Variants in ADCY2 observed in about 807,000 individuals in gnomAD.
The protein encoded by ADCY2 is adenylate cyclase 2.
In ADCY2, 31 loss-of-function variants were observed where a neutral mutation model predicts 125.2. The ratio of observed to expected loss-of-function variants is 0.25; its 90% CI spans 0.19 to 0.33. ADCY2 has a LOEUF of 0.33. Among genes scored for constraint, ADCY2 ranks in the 10% least tolerant of loss-of-function variants. The probability of loss-of-function intolerance (pLI) is 1.00; values close to 1 mark genes in which losing one functional copy is unlikely to be tolerated. For missense variants in ADCY2, 904 were observed against 1,418.2 expected, an observed-to-expected ratio of 0.64 and a Z score of 5.82; for synonymous variants, 512 against 548.4, an observed-to-expected ratio of 0.93 and a Z score of 0.93.
At chr5:7,822,568 G>C (rs1383340490) in intron 24 of ADCY2, among the ~76,000 whole-genome samples, 1 of 152,240 alleles carries the variant, frequency 6.6e-6, no homozygotes, top group African/African-American at 2.4e-5. Context: ...TTAATAGCTA[G>C]AAATTAGTGA....
chr5:7,724,567 A>G lies in ADCY2; in HGVS notation c.1726A>G (p.Ile576Val), dbSNP rs1331209772. The change falls in exon 13 of 25, where the codon ATT (isoleucine) becomes GTT (valine). Residue 576 changes from isoleucine to valine, a missense_variant. Ile to Val is a conservative substitution (Grantham distance 29). Transcript: ENST00000338316. ...CAGGCAATGGCTCAAGTCTGAAGACATTCAGAGAATCTCACTGCTTTTCTA... is the reference window on the plus strand; with the variant it reads ...CAGGCAATGGCTCAAGTCTGAAGACGTTCAGAGAATCTCACTGCTTTTCTA... ...AQKQWLKSED[I>V]QRISLLFYNK... The G allele has an allele frequency of 1.9e-6, 3 of 1,604,084 alleles. No individual in the cohort carries two copies. The highest frequency in any genetic ancestry group is 4.5e-5 in the East Asian group (2 of 44,650).
intron 1 of ADCY2, among the ~76,000 whole-genome samples, chr5:7,410,248 T>C (rs1739656824): frequency 6.6e-6 from 1 of 152,134 alleles, no homozygotes; most frequent in East Asian, 1.9e-4. Flanking sequence ...TTCACTAAAA[T>C]ATAATTTTTT....
chr5:7,547,456 T>C (rs1359994878), intron 3 of ADCY2, among the ~76,000 whole-genome samples: 2 of 152,188 alleles, frequency 1.3e-5, no homozygotes, highest in East Asian at 3.9e-4. Flanking sequence ...TCTCGCATCC[T>C]GTCTTTCTTA....
intron 3 of ADCY2, among the ~76,000 whole-genome samples, chr5:7,556,530 C>A (rs115751859): frequency 2.0e-5 from 3 of 152,112 alleles, no homozygotes; most frequent in African/African-American, 7.2e-5. Context: ...TTTTTTCATA[C>A]GGGAAGTTTC....
intron 4 of ADCY2, among the ~76,000 whole-genome samples, chr5:7,673,363 C>T (rs956808733): frequency 7.0e-6 from 1 of 143,308 alleles, no homozygotes; most frequent in Admixed American, 7.1e-5. Flanking sequence ...CACCTGAGCT[C>T]GGAGGTGGAG....
At chr5:7,403,635 C>G (rs1191408303) in intron 1 of ADCY2, among the ~76,000 whole-genome samples, 1 of 152,138 alleles carries the variant, frequency 6.6e-6, no homozygotes. Flanking sequence ...CCATTCTACT[C>G]TCTATCCTCA....
intron 2 of ADCY2, among the ~76,000 whole-genome samples, chr5:7,453,865 G>A (rs945452554): frequency 6.6e-6 from 1 of 151,984 alleles, no homozygotes; most frequent in African/African-American, 2.4e-5. Flanking sequence ...TCAGCTGAAT[G>A]TTCCTAGGAG....
In ADCY2 at chr5:7,435,852, T is replaced by C. The variant is rs574464320; in HGVS notation, c.408+21082T>C. Among the ~76,000 whole-genome samples, 13 of 152,350 alleles carry C rather than the reference T, an allele frequency of 8.5e-5. 1 individual carries two copies. Among genetic ancestry groups the C allele is most frequent in the African/African-American group, 2.9e-4 (12 of 41,574 alleles). On this transcript the variant is annotated intron_variant, in intron 2 of 24. Coordinates refer to ENST00000338316, the MANE Select transcript of ADCY2 (RefSeq NM_020546.3). ...GACATGAACAAAGTTCTCAGATAAC[T>C]GAGCAGTTTTTTCCCACCCAACAGT... is the stretch of plus-strand genomic sequence containing the variant.
At chr5:7,705,335 G>C (rs1272108425) in intron 7 of ADCY2, among the ~76,000 whole-genome samples, 1 of 152,228 alleles carries the variant, frequency 6.6e-6, no homozygotes, top group African/African-American at 2.4e-5. Context: ...GCTGAGGGCC[G>C]AGATGGAGAC....
At chr5:7,403,632 A>G (rs921436022) in intron 1 of ADCY2, among the ~76,000 whole-genome samples, 4 of 151,970 alleles carry the variant, frequency 2.6e-5, no homozygotes, top group Non-Finnish European at 4.4e-5. Flanking sequence ...ATTCCATTCT[A>G]CTCTCTATCC....
chr5:7,779,942 G>A (rs1743863507), intron 18 of ADCY2, among the ~76,000 whole-genome samples: 1 of 152,138 alleles, frequency 6.6e-6, no homozygotes, highest in South Asian at 2.1e-4. Context: ...TACGGAGCGT[G>A]GGAACCCTGG....
chr5:7,631,532 G>A (rs1738310767), intron 4 of ADCY2, among the ~76,000 whole-genome samples: 1 of 152,152 alleles, frequency 6.6e-6, no homozygotes, highest in Non-Finnish European at 1.5e-5. Context: ...GTTAACTGGA[G>A]ATTTTCCAGG....
chr5:7,653,725 G>C (rs1028784409), intron 4 of ADCY2, among the ~76,000 whole-genome samples: 1 of 152,134 alleles, frequency 6.6e-6, no homozygotes, highest in African/African-American at 2.4e-5. Flanking sequence ...TGAGGATACT[G>C]ATCTAAATGA....
chr5:7,751,744 G>C (rs930887756), intron 15 of ADCY2, among the ~76,000 whole-genome samples: 2 of 152,076 alleles, frequency 1.3e-5, no homozygotes, highest in Non-Finnish European at 2.9e-5. Context: ...TCCACGTTTG[G>C]CTGGCCCAAG....
At chr5:7,676,122 C>T (rs935744092) in intron 4 of ADCY2, among the ~76,000 whole-genome samples, 9 of 152,224 alleles carry the variant, frequency 5.9e-5, no homozygotes, top group Admixed American at 2.0e-4. Flanking sequence ...GAGGATCAGA[C>T]ATTTGATGTG....
At chr5:7,776,474 G>T (rs1743731028) in intron 18 of ADCY2, among the ~76,000 whole-genome samples, 1 of 152,124 alleles carries the variant, frequency 6.6e-6, no homozygotes, top group African/African-American at 2.4e-5. Flanking sequence ...CTTGGCTGTG[G>T]CAGGTCAGTG....
chr5:7,716,868 A>G (rs902059243), intron 11 of ADCY2, among the ~76,000 whole-genome samples: 2 of 152,202 alleles, frequency 1.3e-5, no homozygotes, highest in African/African-American at 4.8e-5. Context: ...GATAAACAGA[A>G]TAACTTCTAA....
chr5:7,498,224 T>C (rs1024513896), intron 2 of ADCY2, among the ~76,000 whole-genome samples: 14 of 148,176 alleles, frequency 9.4e-5, no homozygotes, highest in South Asian at 2.2e-4. Context: ...TAAGTAAAAC[T>C]CTTTTTCTTT....
chr5:7,650,568 T>C (rs1188660437), intron 4 of ADCY2, among the ~76,000 whole-genome samples: 1 of 152,102 alleles, frequency 6.6e-6, no homozygotes, highest in Non-Finnish European at 1.5e-5. Context: ...GAGGCCTTCC[T>C]CCTTCCTGAG....
Sources: gnomAD v4.1 joint callset for allele counts (sites outside exome capture counted in the v4.1 genomes callset) on GRCh38, gnomAD v4.1.1 for gene constraint, MANE v1.5 for transcripts, NCBI Gene and HGNC (gene_info 2026-07-23, HGNC 2026-07-21) for gene names.